PIK3R3: variants seen among roughly 807,000 people sequenced by gnomAD.
PIK3R3 encodes phosphoinositide-3-kinase regulatory subunit 3, also known as phosphatidylinositol 3-kinase regulatory subunit gamma.
A neutral mutation model predicts 62.9 loss-of-function variants in PIK3R3; 64 were observed. The observed-to-expected ratio is 1.02, with a 90% CI of 0.83 to 1.25. The LOEUF (loss-of-function observed/expected upper bound fraction) is 1.25, where lower values mean the gene tolerates loss of function less well. PIK3R3 is among the 50% of genes most tolerant of loss of function. The probability of loss-of-function intolerance (pLI) is 0.00; values close to 1 mark genes in which losing one functional copy is unlikely to be tolerated. For synonymous variants in PIK3R3, 165 were observed against 189.0 expected (o/e 0.87, Z 1.04); for missense variants, 614 against 561.6 (o/e 1.09, Z -0.94).
chr1:46,097,456 T>A, intron 1 of PIK3R3, among the ~76,000 whole-genome samples: 1 of 152,130 alleles, frequency 6.6e-6, no homozygotes, highest in East Asian at 1.9e-4. Flanking sequence ...GGGAATTTCC[T>A]CACCTGATAA....
intron 2 of PIK3R3, among the ~76,000 whole-genome samples, chr1:46,078,730 A>G (rs975858410): frequency 4.6e-5 from 7 of 152,180 alleles, no homozygotes; most frequent in African/African-American, 1.7e-4. Context: ...ATAAATTAGA[A>G]ACAATCTAAA....
At chr1:46,050,292 C>T (rs995809467) in intron 7 of PIK3R3, among the ~76,000 whole-genome samples, 2 of 151,720 alleles carry the variant, frequency 1.3e-5, no homozygotes, top group East Asian at 3.9e-4. Context: ...AAGCCAGGTG[C>T]GGTGGCTCAT....
intron 1 of PIK3R3, chr1:46,104,941 A>C (rs1028248435): frequency 4.1e-5 from 22 of 534,882 alleles, no homozygotes; most frequent in South Asian, 6.2e-5. Context: ...AAAAAAAAAA[A>C]AAAAAAAAAC....
At chr1:46,171,851 G>A in the PIK3R3 span, among the ~76,000 whole-genome samples, 1 of 152,122 alleles carries the variant, frequency 6.6e-6, no homozygotes, top group African/African-American at 2.4e-5. Context: ...CTAGCCCAGA[G>A]CTGTTCTCTT....
intron 5 of PIK3R3, among the ~76,000 whole-genome samples, chr1:46,063,908 A>C (rs1648749650): frequency 6.6e-6 from 1 of 152,254 alleles, no homozygotes; most frequent in Non-Finnish European, 1.5e-5. Flanking sequence ...ATCACAGATA[A>C]GCTTCTTAAA....
chr1:46,140,121 T>C, the PIK3R3 span, among the ~76,000 whole-genome samples: 1 of 152,178 alleles, frequency 6.6e-6, no homozygotes, highest in African/African-American at 2.4e-5. Flanking sequence ...CCCGAGTAGC[T>C]GGGACCACAG....
At chr1:46,124,248 T>C (rs1392167378) in intron 1 of PIK3R3, among the ~76,000 whole-genome samples, 2 of 151,498 alleles carry the variant, frequency 1.3e-5, no homozygotes, top group Admixed American at 6.6e-5. Flanking sequence ...AAGGTAAGAG[T>C]TCAATTTTAC....
At chr1:46,153,366 C>A in the PIK3R3 span, among the ~76,000 whole-genome samples, 1 of 152,168 alleles carries the variant, frequency 6.6e-6, no homozygotes. Flanking sequence ...AGAATAAGTT[C>A]TTGAATGGCT....
chr1:46,104,662 C>T (rs1039047896), intron 1 of PIK3R3, among the ~76,000 whole-genome samples: 2 of 152,090 alleles, frequency 1.3e-5, no homozygotes, highest in Admixed American at 6.5e-5. Flanking sequence ...GGCACAGTGG[C>T]GCACACCTGT....
In PIK3R3 at chr1:46,117,745, C is replaced by T. The variant is rs569006752; in HGVS notation, c.106+14102G>A. ...CTGGGCAACAGAGTGAAACCTGTCT[C>T]GAAAGAAAGAAAGAAAGAAAGAGAA... On this transcript the variant is annotated intron_variant, in intron 1 of 9. Coordinates refer to ENST00000262741, the MANE Select transcript of PIK3R3 (RefSeq NM_003629.4). Among the ~76,000 whole-genome samples, 15 of 142,192 alleles carry T rather than the reference C, an allele frequency of 1.1e-4. No individual in the cohort carries two copies. In the South Asian group the frequency reaches 3.2e-3, roughly 30 times the overall value. 93.3% of individuals were successfully genotyped at this position (142,192 alleles called of 152,430 possible). A position where few individuals can be genotyped will look rare whatever the true frequency, so the allele number is the denominator to read the frequency against.
rs1648540180 is a variant in PIK3R3, at chr1:46,061,998, G to A, written c.695C>T (p.Thr232Ile). The change falls in exon 6 of 10, where the codon ACA becomes ATA. Residue 232 changes from threonine (T) to isoleucine (I), a missense_variant. Thr to Ile is a moderately conservative substitution (Grantham distance 89). Coordinates refer to ENST00000262741, the MANE Select transcript of PIK3R3 (RefSeq NM_003629.4). Reference sequence around the variant, plus strand: ...ATATTCTTTGCTATGTTGTTCTTGTGTGTGACACTGCTCTTCAAATATTTT... The same window carrying A: ...ATATTCTTTGCTATGTTGTTCTTGTATGTGACACTGCTCTTCAAATATTTT... The part of the protein sequence containing the change: ...TIKIFEEQCH[T>I]QEQHSKEYIE... 1 of 1,611,094 alleles carries A rather than the reference G, an allele frequency of 6.2e-7. No individual in the cohort carries two copies.
chr1:46,148,725 G>A, the PIK3R3 span, among the ~76,000 whole-genome samples: 11 of 151,342 alleles, frequency 7.3e-5, no homozygotes, highest in South Asian at 1.3e-3. Flanking sequence ...ACCATTGTTC[G>A]TGCTTCTCCA....
In PIK3R3 at chr1:46,066,036, A is replaced by G. The variant is rs1234121788; in HGVS notation, c.621+18T>C. On this transcript the variant is annotated intron_variant, in intron 5 of 9. Coordinates refer to ENST00000262741, the MANE Select transcript of PIK3R3 (RefSeq NM_003629.4). ...AACATTGCACACATATTAGTCAAAA[A>G]CAACATAATATACCAACCTGGGATG... The G allele has an allele frequency of 6.2e-7, 1 of 1,603,388 alleles. No homozygotes were observed.
chr1:46,159,934 C>T, the PIK3R3 span, among the ~76,000 whole-genome samples: 1 of 152,210 alleles, frequency 6.6e-6, no homozygotes, highest in African/African-American at 2.4e-5. Context: ...ACTCTCCAGC[C>T]CTCTCTTCCT....
intron 7 of PIK3R3, among the ~76,000 whole-genome samples, chr1:46,054,545 G>A (rs1418845364): frequency 3.9e-5 from 6 of 152,050 alleles, no homozygotes; most frequent in African/African-American, 1.2e-4. Flanking sequence ...CAGATTCAGA[G>A]GTCTCTGCTC....
At chr1:46,115,385 T>C (rs1654096890) in intron 1 of PIK3R3, among the ~76,000 whole-genome samples, 1 of 152,206 alleles carries the variant, frequency 6.6e-6, no homozygotes, top group South Asian at 2.1e-4. Flanking sequence ...GTTACACATG[T>C]ACTCTTAAAC....
At chr1:46,078,440 G>A (rs1169490185) in intron 2 of PIK3R3, among the ~76,000 whole-genome samples, 1 of 152,188 alleles carries the variant, frequency 6.6e-6, no homozygotes, top group Non-Finnish European at 1.5e-5. Context: ...TACTTGGGAG[G>A]CTGAGACAGG....
intron 1 of PIK3R3, among the ~76,000 whole-genome samples, chr1:46,093,180 C>T (rs1384833498): frequency 1.3e-5 from 2 of 152,194 alleles, no homozygotes; most frequent in African/African-American, 4.8e-5. Flanking sequence ...AAAAAGTCCC[C>T]AGTACTTCCA....
At chr1:46,121,768 GA>G (rs1440731457) in intron 1 of PIK3R3, among the ~76,000 whole-genome samples, 2 of 152,122 alleles carry the variant, frequency 1.3e-5, no homozygotes, top group Non-Finnish European at 2.9e-5. Context: ...CCCACAAACA[GA>G]ACATGAAACA....
Sources: gnomAD v4.1 joint callset for allele counts (sites outside exome capture counted in the v4.1 genomes callset) on GRCh38, gnomAD v4.1.1 for gene constraint, MANE v1.5 for transcripts, NCBI Gene and HGNC (gene_info 2026-07-23, HGNC 2026-07-21) for gene names.